Variants in DOCK7 observed in about 807,000 individuals in gnomAD.
DOCK7 encodes dedicator of cytokinesis protein 7.
Under a neutral mutation model 271.0 loss-of-function variants are expected in DOCK7, and 138 were observed. The ratio of observed to expected loss-of-function variants is 0.51; its 90% CI spans 0.44 to 0.59. The LOEUF (loss-of-function observed/expected upper bound fraction) is 0.59. DOCK7 is among the 20% of genes least tolerant of loss of function. The pLI, the probability that DOCK7 is intolerant of heterozygous loss-of-function variation, is 0.00. For missense variants in DOCK7, 2,066 were observed against 2,592.4 expected, an observed-to-expected ratio of 0.80 and a Z score of 4.41; for synonymous variants, 823 against 876.1, an observed-to-expected ratio of 0.94 and a Z score of 1.07.
chr1:62,563,552 C>T (rs1646404523), intron 18 of DOCK7, among the ~76,000 whole-genome samples: 1 of 151,828 alleles, frequency 6.6e-6, no homozygotes, highest in Non-Finnish European at 1.5e-5. Context: ...CAGAAAAATA[C>T]AAGAGATTTC....
intron 37 of DOCK7, among the ~76,000 whole-genome samples, chr1:62,500,328 T>G (rs1268464231): frequency 6.6e-6 from 1 of 152,000 alleles, no homozygotes; most frequent in African/African-American, 2.4e-5. Flanking sequence ...CAATTACATG[T>G]GAGCTGGCAA....
rs145276116 is a variant in DOCK7, at chr1:62,539,530, C to T, written c.3300+15G>A. The T allele has an allele frequency of 1.5e-4, 229 of 1,562,356 alleles. No homozygotes were observed. The East Asian group carries it at 4.4e-3, about 30-fold the overall frequency. On this transcript the variant is annotated intron_variant, in intron 27 of 49. Coordinates refer to ENST00000635253, the MANE Select transcript of DOCK7 (RefSeq NM_001367561.1). The stretch of plus-strand genomic sequence containing the variant: ...TAAATTATTTGATTACTAATTATTC[C>T]TAACTATGCATTACCTGTTTATAGC...
intron 14 of DOCK7, among the ~76,000 whole-genome samples, chr1:62,612,427 C>A (rs79502730): frequency 1.3e-5 from 2 of 151,998 alleles, no homozygotes; most frequent in African/African-American, 2.4e-5. Flanking sequence ...AGCTAATACA[C>A]GTGGGGCTTA....
Position 62,577,340 on chromosome 1 carries a change from T to A in DOCK7, c.2034A>T (p.Gly678=). Residue 678 remains glycine, a synonymous_variant, in exon 18 of 50, where the codon GGA becomes GGT. Coordinates refer to ENST00000635253, the MANE Select transcript of DOCK7 (RefSeq NM_001367561.1). ...GYTWIPMLQN[G]RLKTGQFCLP... is the part of the protein sequence containing the mutation. Reference sequence around the variant, plus strand: ...AGCAAAACTGGCCAGTCTTCAACCGTCCATTCTGAAGCATTGGTATCCACT... The same window carrying A: ...AGCAAAACTGGCCAGTCTTCAACCGACCATTCTGAAGCATTGGTATCCACT... 1 of 1,586,458 alleles carries A rather than the reference T, an allele frequency of 6.3e-7. No individual in the cohort carries two copies. The highest frequency in any genetic ancestry group is 8.6e-7 in the Non-Finnish European group (1 of 1,163,258).
At chr1:62,567,368 TA>T in intron 18 of DOCK7, among the ~76,000 whole-genome samples, 1 of 152,096 alleles carries the variant, frequency 6.6e-6, no homozygotes. Flanking sequence ...TATGCAGCCA[TA>T]AAAAAGGATG....
intron 14 of DOCK7, among the ~76,000 whole-genome samples, chr1:62,607,333 A>T (rs1208354527): frequency 2.0e-5 from 3 of 152,204 alleles, no homozygotes; most frequent in Admixed American, 6.6e-5. Flanking sequence ...GCATGTTCCC[A>T]GTCACAGAAG....
chr1:62,602,475 G>T, intron 14 of DOCK7: 1 of 1,062,044 alleles, frequency 9.4e-7, no homozygotes. Flanking sequence ...AAGTAGTAAC[G>T]AACGAGAAGC....
chr1:62,609,289 A>G (rs1416099970), intron 14 of DOCK7: 1 of 152,226 alleles, frequency 6.6e-6, no homozygotes, highest in Admixed American at 6.5e-5. Flanking sequence ...TATCTAAAAT[A>G]CAAAGGCTGT....
intron 14 of DOCK7, among the ~76,000 whole-genome samples, chr1:62,599,677 G>A (rs935616955): frequency 6.6e-6 from 1 of 151,910 alleles, no homozygotes; most frequent in African/African-American, 2.4e-5. Context: ...AGGCATTTCT[G>A]TTGAATTAAT....
intron 14 of DOCK7, among the ~76,000 whole-genome samples, chr1:62,615,059 C>T (rs1571776943): frequency 6.6e-6 from 1 of 151,818 alleles, no homozygotes; most frequent in African/African-American, 2.4e-5. Context: ...GTTACGAGAG[C>T]CCATCTCCCA....
At chr1:62,487,723 T>C (rs1646336861) in intron 42 of DOCK7, 1 of 235,146 alleles carries the variant, frequency 4.3e-6, no homozygotes, top group African/African-American at 2.2e-5. Flanking sequence ...CTTCACCAAG[T>C]ATCCAGGATA....
intron 15 of DOCK7, among the ~76,000 whole-genome samples, chr1:62,583,727 T>C (rs1647210843): frequency 6.6e-6 from 1 of 152,194 alleles, no homozygotes; most frequent in Non-Finnish European, 1.5e-5. Context: ...CTATGTATCC[T>C]TTGCTTCTAA....
intron 33 of DOCK7, chr1:62,511,086 T>C (rs1644470599): frequency 6.5e-6 from 1 of 153,476 alleles, no homozygotes; most frequent in East Asian, 1.9e-4. Flanking sequence ...CAATGGTTGT[T>C]GTTCCTTTTT....
At chr1:62,554,217 A>G (rs1251503472) in intron 21 of DOCK7, among the ~76,000 whole-genome samples, 1 of 152,194 alleles carries the variant, frequency 6.6e-6, no homozygotes, top group East Asian at 1.9e-4. Context: ...TCACGCCTAT[A>G]ATCCCAGCAC....
chr1:62,536,227 T>C (rs1280636782), intron 28 of DOCK7, among the ~76,000 whole-genome samples: 1 of 152,188 alleles, frequency 6.6e-6, no homozygotes, highest in East Asian at 1.9e-4. Context: ...CATTTCTCTA[T>C]GGCGAAATCT....
chr1:62,632,500 A>T (rs1414067782), intron 10 of DOCK7, among the ~76,000 whole-genome samples: 1 of 152,156 alleles, frequency 6.6e-6, no homozygotes, highest in African/African-American at 2.4e-5. Context: ...AAAATAGCAA[A>T]ACATTTTCTG....
Position 62,563,774 on chromosome 1 carries a change from C to T in DOCK7, c.2113-2071G>A, listed in dbSNP as rs151303652. ...TGGCAAACTGGATAAAGAGTCAAGA[C>T]CCATCACTGTGCTGTATTCAGGAGA... On this transcript the variant is annotated intron_variant, in intron 18 of 49. Transcript: ENST00000635253. Among the ~76,000 whole-genome samples the T allele has an allele frequency of 1.9e-3, 262 of 138,806 alleles. 1 individual carries two copies. The highest frequency in any genetic ancestry group is 6.8e-3 in the African/African-American group (255 of 37,734). 91.1% of individuals were successfully genotyped at this position (138,806 alleles called of 152,430 possible).
chr1:62,512,689 G>A (rs1435906169), intron 33 of DOCK7, among the ~76,000 whole-genome samples: 1 of 151,492 alleles, frequency 6.6e-6, no homozygotes, highest in African/African-American at 2.4e-5. Context: ...CTTGAGCTCA[G>A]GAATTTCAAG....
At chr1:62,564,355 A>G (rs980137883) in intron 18 of DOCK7, among the ~76,000 whole-genome samples, 5 of 152,210 alleles carry the variant, frequency 3.3e-5, no homozygotes, top group Non-Finnish European at 5.9e-5. Context: ...AAAGGAAATC[A>G]TAACAGTCTC....
Sources: allele counts gnomAD v4.1 joint callset (sites outside exome capture counted in the v4.1 genomes callset), GRCh38; gene constraint gnomAD v4.1.1; transcripts MANE v1.5; gene names NCBI Gene and HGNC (gene_info 2026-07-23, HGNC 2026-07-21).